The following EDAR variants were observed in gnomAD, a reference collection of about 807,000 sequenced individuals.
EDAR encodes ectodysplasin A receptor.
Under a neutral mutation model 51.3 loss-of-function variants are expected in EDAR, and 38 were observed. The ratio of observed to expected loss-of-function variants is 0.74; its 90% CI spans 0.57 to 0.97. The LOEUF is 0.97. Among genes scored for constraint, EDAR ranks in the 50% least tolerant of loss-of-function variants. The pLI is 0.00. For synonymous variants in EDAR, 227 were observed against 242.1 expected (o/e 0.94, Z 0.58); for missense variants, 528 against 595.0 (o/e 0.89, Z 1.17).
intron 1 of EDAR, among the ~76,000 whole-genome samples, chr2:108,962,662 G>A (rs1290157542): frequency 4.8e-5 from 6 of 125,666 alleles, no homozygotes; most frequent in African/African-American, 1.3e-4. Flanking sequence ...GCGACAGAGC[G>A]AGACTCTGTC....
At chr2:108,908,056 G>T (rs764892132) in intron 9 of EDAR, 37 bp from the exon 10 acceptor site, 57 of 1,573,256 alleles carry the variant, frequency 3.6e-5, no homozygotes, top group Non-Finnish European at 4.7e-5. Context: ...AGCAGTGCCT[G>T]GGGGGGCTGC....
intron 9 of EDAR, among the ~76,000 whole-genome samples, chr2:108,909,129 CA>C (rs2105397008): frequency 6.6e-6 from 1 of 152,292 alleles, no homozygotes; most frequent in South Asian, 2.1e-4. Context: ...TGTATGAAAG[CA>C]GTATATATTT....
At position 108,951,259 on chromosome 2, in the gene EDAR, A is replaced by T. The variant is rs76460427; in HGVS notation, c.-18-20227T>A. On this transcript the variant is annotated intron_variant, in intron 1 of 11. Transcript: ENST00000258443. ...TCTCAATATCGGTCTTCTGCATTTG[A>T]CCAGGCCAATGCCATGTAATTCCAA... 7.8e-3 allele frequency among the ~76,000 whole-genome samples: 1,191 copies of T among 152,250 alleles called. 9 individuals carry two copies. The highest frequency in any genetic ancestry group is 0.029 in the South Asian group (139 of 4,828).
intron 1 of EDAR, among the ~76,000 whole-genome samples, chr2:108,979,557 G>A (rs922926046): frequency 1.3e-5 from 2 of 152,090 alleles, no homozygotes; most frequent in Non-Finnish European, 2.9e-5. Context: ...TAGTAAGCTA[G>A]GGGCATGTCA....
chr2:108,920,107 C>T (rs1697107144), intron 5 of EDAR, among the ~76,000 whole-genome samples: 1 of 152,238 alleles, frequency 6.6e-6, no homozygotes, highest in Non-Finnish European at 1.5e-5. Context: ...GTGTGCTGTC[C>T]ACACCGCCAG....
Position 108,912,725 on chromosome 2 carries a change from C to T in EDAR, c.482G>A (p.Gly161Asp). 6.2e-7 allele frequency: 1 copy of T among 1,602,700 alleles called. No individual in the cohort carries two copies. Among genetic ancestry groups the T allele is most frequent in the East Asian group, 2.2e-5 (1 of 44,522 alleles). ...AGACAGGGTGCTGCTGCCCGAGGTGCCAGGGAAGTTGGCAGAAGCTCCTGA... is the reference window on the plus strand; with the variant it reads ...AGACAGGGTGCTGCTGCCCGAGGTGTCAGGGAAGTTGGCAGAAGCTCCTGA... The part of the protein sequence containing the change: ...ATSGASANFP[G>D]TSGSSTLSPF... Residue 161 changes from glycine (G) to aspartate (D), a missense_variant, in exon 6 of 12, where the codon GGC (glycine) becomes GAC (aspartate). Transcript: ENST00000258443.
In EDAR at chr2:108,937,385, C is replaced by A. The variant is rs1574391329; in HGVS notation, c.-18-6353G>T. Reference sequence around the variant, plus strand: ...ACATATGGGTGTGAGTGTGTGCATACACGTGAGTGTATGTGTATCTGTGAG... The same window carrying A: ...ACATATGGGTGTGAGTGTGTGCATAAACGTGAGTGTATGTGTATCTGTGAG... On this transcript the variant is annotated intron_variant, in intron 1 of 11. Transcript: ENST00000258443. 2.6e-5 allele frequency among the ~76,000 whole-genome samples: 4 copies of A among 152,240 alleles called. No individual in the cohort carries two copies. In the Middle Eastern group the frequency reaches 0.01, roughly 388 times the overall value.
intron 4 of EDAR, among the ~76,000 whole-genome samples, chr2:108,928,383 ACT>A (rs1428381693): frequency 6.6e-6 from 1 of 151,902 alleles, no homozygotes; most frequent in East Asian, 1.9e-4. Flanking sequence ...CTCCTAGGAC[ACT>A]CTGAGTGTGC....
chr2:108,906,308 C>T lies in EDAR; in HGVS notation c.1024G>A (p.Gly342Ser). The change falls in exon 11 of 12, where the codon GGT becomes AGT. Residue 342 changes from glycine (G) to serine (S), a missense_variant and splice_region_variant. By Grantham distance (56) the Gly-to-Ser change is moderately conservative. Transcript: ENST00000258443. ...VYANVCGVVE[G>S]LSPTELPFDC... The stretch of plus-strand genomic sequence containing the variant: ...CTCCCAGGCTTTTTTTTCAGCTTAC[C>T]TTCCACGACTCCACACACGTTGGCA... 6.2e-7 allele frequency: 1 copy of T among 1,613,740 alleles called. No individual in the cohort carries two copies. The highest frequency in any genetic ancestry group is 2.2e-5 in the East Asian group (1 of 44,866).
At chr2:108,945,762 T>C (rs1465732245) in intron 1 of EDAR, among the ~76,000 whole-genome samples, 2 of 152,220 alleles carry the variant, frequency 1.3e-5, no homozygotes, top group Non-Finnish European at 2.9e-5. Flanking sequence ...TGCTACAGTA[T>C]GCATGAACCT....
intron 1 of EDAR, among the ~76,000 whole-genome samples, chr2:108,943,363 T>G (rs1317352754): frequency 1.3e-5 from 2 of 152,158 alleles, no homozygotes; most frequent in Non-Finnish European, 2.9e-5. Context: ...AGTAAAACCT[T>G]TCATTTCTGG....
At chr2:108,926,907 T>C (rs887630155) in intron 4 of EDAR, among the ~76,000 whole-genome samples, 2 of 152,164 alleles carry the variant, frequency 1.3e-5, no homozygotes, top group African/African-American at 4.8e-5. Context: ...AAGACTCCTG[T>C]GATCCTCCTC....
chr2:108,932,057 C>A (rs1429984430), intron 1 of EDAR, among the ~76,000 whole-genome samples: 1 of 152,142 alleles, frequency 6.6e-6, no homozygotes, highest in African/African-American at 2.4e-5. Context: ...AGCAAGCTAC[C>A]ATTGGTCATG....
chr2:108,979,075 T>C (rs1303829160), intron 1 of EDAR, among the ~76,000 whole-genome samples: 1 of 152,186 alleles, frequency 6.6e-6, no homozygotes, highest in Non-Finnish European at 1.5e-5. Context: ...ACATTCAGTG[T>C]TGTGGAAAAC....
chr2:108,976,495 A>C (rs1698324159), intron 1 of EDAR, among the ~76,000 whole-genome samples: 1 of 152,124 alleles, frequency 6.6e-6, no homozygotes, highest in African/African-American at 2.4e-5. Flanking sequence ...TGCTCCTTGG[A>C]AGGAAGTCTC....
rs546924295 is a variant in EDAR, at chr2:108,950,470, C to T, written c.-18-19438G>A. ...ATGTTGTATTTCTGTTTATAAGGGCCGATGGTGTTTAACAGCACATGAGCC... is the reference window on the plus strand; with the variant it reads ...ATGTTGTATTTCTGTTTATAAGGGCTGATGGTGTTTAACAGCACATGAGCC... On this transcript the variant is annotated intron_variant, in intron 1 of 11. Transcript: ENST00000258443. Among the ~76,000 whole-genome samples, 9 of 152,096 alleles carry T rather than the reference C, an allele frequency of 5.9e-5. No individual in the cohort carries two copies. In the East Asian group the frequency reaches 1.5e-3, roughly 26 times the overall value.
chr2:108,988,610 G>C (rs908538394), intron 1 of EDAR, among the ~76,000 whole-genome samples: 1 of 152,084 alleles, frequency 6.6e-6, no homozygotes, highest in Non-Finnish European at 1.5e-5. Context: ...CCAGTGAGCC[G>C]GGCACAGGGG....
chr2:108,977,103 G>T (rs1357765647), intron 1 of EDAR, among the ~76,000 whole-genome samples: 1 of 152,056 alleles, frequency 6.6e-6, no homozygotes, highest in African/African-American at 2.4e-5. Context: ...CAATAAGGAG[G>T]CACTGATGAT....
chr2:108,932,153 C>G (rs1697376561), intron 1 of EDAR, among the ~76,000 whole-genome samples: 1 of 152,200 alleles, frequency 6.6e-6, no homozygotes, highest in African/African-American at 2.4e-5. Context: ...TCCCTTCCTC[C>G]TTTTCTTTCT....
Sources: gnomAD v4.1 joint callset for allele counts (sites outside exome capture counted in the v4.1 genomes callset) on GRCh38, gnomAD v4.1.1 for gene constraint, MANE v1.5 for transcripts, NCBI Gene and HGNC (gene_info 2026-07-23, HGNC 2026-07-21) for gene names.